The following ALK variants were observed in gnomAD, a reference collection of about 807,000 sequenced individuals.
The protein encoded by ALK is ALK tyrosine kinase receptor.
A neutral mutation model predicts 163.1 loss-of-function variants in ALK; 74 were observed. The ratio of observed to expected loss-of-function variants is 0.45; its 90% CI spans 0.38 to 0.55. The LOEUF is 0.55. Among genes scored for constraint, ALK ranks in the 20% least tolerant of loss-of-function variants. ALK has a pLI of 0.00. For synonymous variants in ALK, 960 were observed against 843.2 expected, an observed-to-expected ratio of 1.14 and a Z score of -2.40; for missense variants, 2,063 against 2,105.3, an observed-to-expected ratio of 0.98 and a Z score of 0.39.
intron 6 of ALK, among the ~76,000 whole-genome samples, chr2:29,323,220 C>T (rs1397123443): frequency 1.3e-5 from 2 of 152,034 alleles, no homozygotes; most frequent in African/African-American, 4.8e-5. Flanking sequence ...TGTAAACAGC[C>T]AGAGAGGTGC....
At chr2:29,220,376 G>C (rs1470935417) in intron 23 of ALK, among the ~76,000 whole-genome samples, 1 of 152,116 alleles carries the variant, frequency 6.6e-6, no homozygotes, top group East Asian at 1.9e-4. Context: ...CATGCTTCCT[G>C]TACAGCCTGC....
At chr2:29,590,067 T>G (rs1282743428) in intron 3 of ALK, among the ~76,000 whole-genome samples, 1 of 152,238 alleles carries the variant, frequency 6.6e-6, no homozygotes, top group Non-Finnish European at 1.5e-5. Context: ...AGCTAGTTTG[T>G]CTGGCTTGTC....
intron 2 of ALK, among the ~76,000 whole-genome samples, chr2:29,702,460 T>G (rs1678771729): frequency 6.6e-6 from 1 of 152,078 alleles, no homozygotes; most frequent in African/African-American, 2.4e-5. Flanking sequence ...ATGCCCTAGG[T>G]GAGGACTGAG....
rs79254784 is a variant in ALK at position 29,278,366 on chromosome 2, T to C, written c.1818-2870A>G. ...CCACTGGAGGTTTCTAACAGGACAG[T>C]GGCAAGATCAAAGACCTCTTAGAGG... On this transcript the variant is annotated intron_variant, in intron 9 of 28. Coordinates refer to ENST00000389048, the MANE Select transcript of ALK (RefSeq NM_004304.5). Among the ~76,000 whole-genome samples, 1,486 of 152,246 alleles carry C rather than the reference T, an allele frequency of 9.8e-3. 26 individuals are homozygous for C. The highest frequency in any genetic ancestry group is 0.033 in the African/African-American group (1,387 of 41,516).
chr2:29,721,066 A>C (rs1175595223), intron 1 of ALK, among the ~76,000 whole-genome samples: 2 of 152,190 alleles, frequency 1.3e-5, no homozygotes. Context: ...AAGAGAAAGG[A>C]GGAAGAAATA....
intron 1 of ALK, among the ~76,000 whole-genome samples, chr2:29,810,515 G>T (rs530885684): frequency 6.6e-6 from 1 of 151,924 alleles, no homozygotes; most frequent in Non-Finnish European, 1.5e-5. Flanking sequence ...AGTTGGGTAT[G>T]ACTTGAATCT....
intron 1 of ALK, among the ~76,000 whole-genome samples, chr2:29,866,713 G>A (rs1262354840): frequency 5.3e-5 from 8 of 152,186 alleles, no homozygotes; most frequent in South Asian, 2.1e-4. Context: ...AAAGAACTTC[G>A]TAATTAAAGG....
At chr2:29,625,250 GT>G (rs1400576178) in intron 3 of ALK, among the ~76,000 whole-genome samples, 1 of 152,150 alleles carries the variant, frequency 6.6e-6, no homozygotes, top group African/African-American at 2.4e-5. Context: ...AAATTAATAA[GT>G]AAAGATTACA....
intron 3 of ALK, among the ~76,000 whole-genome samples, chr2:29,581,022 C>A (rs774039544): frequency 6.6e-6 from 1 of 152,178 alleles, no homozygotes; most frequent in Non-Finnish European, 1.5e-5. Context: ...TATGGCCATA[C>A]CATGTGGTTC....
At chr2:29,430,114 G>T (rs56174815) in intron 4 of ALK, among the ~76,000 whole-genome samples, 2 of 152,200 alleles carry the variant, frequency 1.3e-5, no homozygotes, top group South Asian at 2.1e-4. Flanking sequence ...AAATATAGGA[G>T]TGAATCTTTA....
intron 9 of ALK, among the ~76,000 whole-genome samples, chr2:29,277,094 C>A (rs187211974): frequency 3.0e-4 from 45 of 152,248 alleles, no homozygotes; most frequent in African/African-American, 9.4e-4. Flanking sequence ...AAAACCAGAG[C>A]AGGGTGGCAC....
At chr2:29,584,686 T>C (rs1674830135) in intron 3 of ALK, among the ~76,000 whole-genome samples, 1 of 152,236 alleles carries the variant, frequency 6.6e-6, no homozygotes, top group Non-Finnish European at 1.5e-5. Context: ...TTCGGTGTTC[T>C]GGAGTCTAGC....
chr2:29,560,367 A>G (rs2148182270), intron 3 of ALK, among the ~76,000 whole-genome samples: 1 of 152,352 alleles, frequency 6.6e-6, no homozygotes, highest in East Asian at 1.9e-4. Context: ...CATGTATTTT[A>G]TTATTGTCTT....
intron 5 of ALK, among the ~76,000 whole-genome samples, chr2:29,383,142 C>G (rs905233423): frequency 2.6e-5 from 4 of 152,040 alleles, no homozygotes; most frequent in Admixed American, 1.3e-4. Context: ...GCCCCTGATC[C>G]TCTCCCTCCT....
intron 3 of ALK, among the ~76,000 whole-genome samples, chr2:29,692,877 A>G (rs1678442945): frequency 6.6e-6 from 1 of 152,244 alleles, no homozygotes; most frequent in African/African-American, 2.4e-5. Context: ...ATCAATTGTG[A>G]TATTTTTATG....
At chr2:29,732,937 G>A (rs1296030239) in intron 1 of ALK, among the ~76,000 whole-genome samples, 1 of 151,796 alleles carries the variant, frequency 6.6e-6, no homozygotes, top group Non-Finnish European at 1.5e-5. Context: ...TAGACTAAGG[G>A]AGACCCCAAA....
intron 1 of ALK, among the ~76,000 whole-genome samples, chr2:29,853,948 C>T (rs1434144339): frequency 2.7e-5 from 4 of 150,270 alleles, no homozygotes; most frequent in African/African-American, 9.8e-5. Flanking sequence ...CTCACTCTGT[C>T]ACCCAGGCTG....
chr2:29,335,017 G>A (rs1010957631), intron 5 of ALK, among the ~76,000 whole-genome samples: 2 of 152,162 alleles, frequency 1.3e-5, no homozygotes, highest in Non-Finnish European at 2.9e-5. Flanking sequence ...TCTGGCCTGC[G>A]GTGTAGAGTA....
intron 1 of ALK, among the ~76,000 whole-genome samples, chr2:29,910,271 T>C (rs1667666891): frequency 6.6e-6 from 1 of 151,414 alleles, no homozygotes; most frequent in South Asian, 2.1e-4. Flanking sequence ...TTAGACACTA[T>C]AGAAGAAAAG....
Sources: allele counts gnomAD v4.1 joint callset (sites outside exome capture counted in the v4.1 genomes callset), GRCh38; gene constraint gnomAD v4.1.1; transcripts MANE v1.5; gene names NCBI Gene and HGNC (gene_info 2026-07-23, HGNC 2026-07-21).